The following CLMP variants were observed in gnomAD, a reference collection of about 807,000 sequenced individuals.
CLMP encodes the protein CXADR-like membrane protein.
In CLMP, 27 loss-of-function variants were observed where a neutral mutation model predicts 45.2. That is an observed-to-expected ratio of 0.60 (90% CI 0.44 to 0.82). CLMP has a LOEUF of 0.82. Ranked by LOEUF, CLMP falls within the 40% of genes least tolerant of loss-of-function variation. The pLI is 0.00. For missense variants in CLMP, 403 were observed against 448.4 expected (o/e 0.90, Z 0.91); for synonymous variants, 167 against 171.4 (o/e 0.97, Z 0.20).
At chr11:123,150,480 A>AAAGG (rs71057397) in intron 1 of CLMP, among the ~76,000 whole-genome samples, 2,140 of 40,678 alleles carry the variant, frequency 0.053, 186 homozygotes, top group Admixed American at 0.067. Context: ...AGAAAGAAAG[A>AAAGG]AAGGAAGGAA....
At chr11:123,074,173 C>CT (rs113482011) in intron 6 of CLMP, among the ~76,000 whole-genome samples, 8,817 of 130,622 alleles carry the variant, frequency 0.068, 665 homozygotes, top group African/African-American at 0.16. Flanking sequence ...TATGTACATA[C>CT]TTTTTTTTTT....
chr11:123,167,956 AAGAC>A (rs112277747), intron 1 of CLMP, among the ~76,000 whole-genome samples: 2,871 of 151,718 alleles, frequency 0.019, 114 homozygotes, highest in Admixed American at 0.092. Flanking sequence ...CCAGGAAGGA[AAGAC>A]AGACAGACAG....
intron 1 of CLMP, among the ~76,000 whole-genome samples, chr11:123,156,721 G>C (rs1321035659): frequency 1.3e-5 from 2 of 152,202 alleles, no homozygotes; most frequent in African/African-American, 4.8e-5. Context: ...AGAAATGTGA[G>C]GGGGAGATGC....
chr11:123,131,773 G>A (rs550086840), intron 1 of CLMP, among the ~76,000 whole-genome samples: 35 of 151,932 alleles, frequency 2.3e-4, no homozygotes, highest in Non-Finnish European at 4.4e-4. Context: ...GCGCCACCAC[G>A]TCCGGCTAAT....
rs1340474842 is a variant in CLMP, at chr11:123,074,896, A to G, written c.680-53T>C. 3 of 1,577,196 alleles carry G rather than the reference A, an allele frequency of 1.9e-6. No individual in the cohort carries two copies. In the South Asian group the frequency reaches 3.3e-5, roughly 18 times the overall value. On this transcript the variant is annotated intron_variant, in intron 5 of 6. Coordinates refer to ENST00000448775, the MANE Select transcript of CLMP (RefSeq NM_024769.5). Reference sequence around the variant, plus strand: ...TAAAACCAAACGTAAGCTAGGAAATATGTTATTAACTCAAAAAACATAAGC... The same window carrying G: ...TAAAACCAAACGTAAGCTAGGAAATGTGTTATTAACTCAAAAAACATAAGC...
chr11:123,187,673 A>AT (rs140623807), intron 1 of CLMP, among the ~76,000 whole-genome samples: 9 of 151,996 alleles, frequency 5.9e-5, no homozygotes, highest in African/African-American at 1.4e-4. Flanking sequence ...TCACAGATAC[A>AT]TTTTTTTTCT....
chr11:123,166,384 G>A (rs1861556514), intron 1 of CLMP, among the ~76,000 whole-genome samples: 1 of 152,238 alleles, frequency 6.6e-6, no homozygotes, highest in African/African-American at 2.4e-5. Context: ...CTGCAAGCCT[G>A]ACAGAGCTTG....
chr11:123,077,970 G>A (rs1046235367), intron 5 of CLMP, among the ~76,000 whole-genome samples: 2 of 152,106 alleles, frequency 1.3e-5, no homozygotes, highest in Non-Finnish European at 2.9e-5. Flanking sequence ...AGCTGGGTGT[G>A]GTGTGCAGGC....
intron 1 of CLMP, among the ~76,000 whole-genome samples, chr11:123,150,472 A>AAGGAAGG (rs1861304616): frequency 1.2e-5 from 1 of 84,354 alleles, no homozygotes; most frequent in African/African-American, 4.8e-5. Flanking sequence ...AGAAAGAAAG[A>AAGGAAGG]AAGAAAGAAA....
At chr11:123,186,292 C>T (rs1380696266) in intron 1 of CLMP, among the ~76,000 whole-genome samples, 1 of 152,170 alleles carries the variant, frequency 6.6e-6, no homozygotes, top group Non-Finnish European at 1.5e-5. Flanking sequence ...TTAAACATTA[C>T]TTAACACTGA....
At chr11:123,100,336 G>T (rs1591457121) in intron 1 of CLMP, among the ~76,000 whole-genome samples, 1 of 151,076 alleles carries the variant, frequency 6.6e-6, no homozygotes, top group African/African-American at 2.4e-5. Flanking sequence ...AGCCGAGATC[G>T]CACCATTGCA....
At chr11:123,117,660 C>G (rs1468224150) in intron 1 of CLMP, among the ~76,000 whole-genome samples, 1 of 152,142 alleles carries the variant, frequency 6.6e-6, no homozygotes, top group East Asian at 1.9e-4. Context: ...CTCCTAACCT[C>G]AGGTGATCCA....
At chr11:123,157,632 T>TC (rs1861432176) in intron 1 of CLMP, among the ~76,000 whole-genome samples, 3 of 144,430 alleles carry the variant, frequency 2.1e-5, no homozygotes, top group African/African-American at 7.8e-5. Context: ...GGCAGGAGAA[T>TC]CACTTGAACC....
Position 123,152,252 on chromosome 11 carries a change from G to C in CLMP, c.28+42661C>G, listed in dbSNP as rs151045872. Among the ~76,000 whole-genome samples, 968 of 152,152 alleles carry C rather than the reference G, an allele frequency of 6.4e-3. 4 individuals are homozygous for C. Among genetic ancestry groups the C allele is most frequent in the African/African-American group, 0.022 (930 of 41,500 alleles). On this transcript the variant is annotated intron_variant, in intron 1 of 6. Transcript: ENST00000448775. ...AAAAGTGTTCGTGGTGGCCGGGCAC[G>C]GTGGCTCATGCCTGTAATCCCAGCA...
At chr11:123,186,720 G>A (rs759704922) in intron 1 of CLMP, among the ~76,000 whole-genome samples, 1 of 152,014 alleles carries the variant, frequency 6.6e-6, no homozygotes, top group South Asian at 2.1e-4. Flanking sequence ...ACAGGGTTTC[G>A]CCATGTTGGC....
At chr11:123,161,264 C>T (rs1240375178) in intron 1 of CLMP, among the ~76,000 whole-genome samples, 10 of 152,176 alleles carry the variant, frequency 6.6e-5, no homozygotes, top group Admixed American at 5.2e-4. Flanking sequence ...AGAACTGAGA[C>T]AGATGGAGCA....
rs972466250 is a variant in CLMP at position 123,070,740 on chromosome 11, G to T, written c.*2734C>A. The T allele has an allele frequency of 1.3e-5, 2 of 152,134 alleles. No homozygotes were observed. The highest frequency in any genetic ancestry group is 2.9e-5 in the Non-Finnish European group (2 of 68,022). The allele number at this position is 152,134 out of a possible 1,614,324, so 9.4% of individuals were successfully genotyped here. A position where few individuals can be genotyped will look rare whatever the true frequency, so the allele number is the denominator to read the frequency against. On this transcript the variant is annotated 3_prime_UTR_variant, in exon 7 of 7. Transcript: ENST00000448775. ...TTGCCTGGATACCACACTACCAGAG[G>T]AATAAAAATGTAGTTAGAGTAAGGG...
intron 1 of CLMP, among the ~76,000 whole-genome samples, chr11:123,169,559 C>T (rs1861602546): frequency 6.6e-6 from 1 of 152,178 alleles, no homozygotes; most frequent in Non-Finnish European, 1.5e-5. Flanking sequence ...GAGGTTTTTA[C>T]TCCACTCCTA....
chr11:123,172,213 G>A (rs1861644946), intron 1 of CLMP, among the ~76,000 whole-genome samples: 1 of 152,068 alleles, frequency 6.6e-6, no homozygotes, highest in South Asian at 2.1e-4. Context: ...CTGGGGTCAA[G>A]TGATTCTCCT....
Sources: allele counts gnomAD v4.1 joint callset (sites outside exome capture counted in the v4.1 genomes callset), GRCh38; gene constraint gnomAD v4.1.1; transcripts MANE v1.5; gene names NCBI Gene and HGNC (gene_info 2026-07-23, HGNC 2026-07-21).